Variants in ZNF292 observed in about 807,000 individuals in gnomAD.
ZNF292 encodes the protein 16 zinc-finger domain protein.
A neutral mutation model predicts 217.9 loss-of-function variants in ZNF292; 26 were observed. The observed-to-expected ratio is 0.12, with a 90% CI of 0.09 to 0.17. The LOEUF (loss-of-function observed/expected upper bound fraction) is 0.17. ZNF292 is among the 10% of genes least tolerant of loss of function. The pLI is 1.00. For missense variants in ZNF292, 2,904 were observed against 3,175.2 expected (o/e 0.91, Z 2.05); for synonymous variants, 1,257 against 1,124.1 (o/e 1.12, Z -2.37).
chr6:87,248,237 G>C (rs1050956819), intron 7 of ZNF292, among the ~76,000 whole-genome samples: 50 of 152,114 alleles, frequency 3.3e-4, no homozygotes, highest in African/African-American at 1.0e-3. Context: ...TGAAAGGAAA[G>C]ACCAAAAGAT....
chr6:87,199,996 T>G (rs1474967850), intron 1 of ZNF292, among the ~76,000 whole-genome samples: 1 of 152,222 alleles, frequency 6.6e-6, no homozygotes, highest in Admixed American at 6.5e-5. Context: ...CCTTTCTGGC[T>G]TATCCCCAGC....
intron 5 of ZNF292, among the ~76,000 whole-genome samples, chr6:87,235,336 T>G (rs1773851600): frequency 6.6e-6 from 1 of 152,172 alleles, no homozygotes. Flanking sequence ...GTCCCTGCCC[T>G]TAAGGTTCAT....
chr6:87,185,614 C>T (rs1014704220), intron 1 of ZNF292, among the ~76,000 whole-genome samples: 1 of 152,020 alleles, frequency 6.6e-6, no homozygotes, highest in East Asian at 1.9e-4. Context: ...ACTACAGGTG[C>T]GTGCCATCAC....
intron 1 of ZNF292, among the ~76,000 whole-genome samples, chr6:87,198,790 A>G (rs1772031327): frequency 6.6e-6 from 1 of 152,258 alleles, no homozygotes; most frequent in Non-Finnish European, 1.5e-5. Context: ...TCTCATAAAC[A>G]CAGCAGAATA....
At chr6:87,170,668 T>C (rs757346482) in intron 1 of ZNF292, among the ~76,000 whole-genome samples, 5 of 152,220 alleles carry the variant, frequency 3.3e-5, no homozygotes, top group Non-Finnish European at 4.4e-5. Flanking sequence ...ATGAAAACCA[T>C]CCTTTATAAA....
At chr6:87,185,779 C>G (rs1771628584) in intron 1 of ZNF292, among the ~76,000 whole-genome samples, 1 of 152,092 alleles carries the variant, frequency 6.6e-6, no homozygotes, top group Non-Finnish European at 1.5e-5. Context: ...CTCTATTTTT[C>G]TTACTTTTTA....
At position 87,261,763 on chromosome 6, in the gene ZNF292, A is replaced by G. The variant is rs763149051; in HGVS notation, c.8134A>G (p.Ile2712Val). ...TCCAGATATGTCTGTTATGAAAGAT[A>G]TCAGTATAGGTAAAGCCACAGGCAG... ...NDPDMSVMKD[I>V]SIGKATGRGQ... Residue 2712 changes from isoleucine (I) to valine (V), a missense_variant, in exon 8 of 8, where the codon ATC becomes GTC. Physicochemically the swap from Ile to Val is conservative, Grantham distance 29. Transcript: ENST00000369577. 1.9e-6 allele frequency: 3 copies of G among 1,612,800 alleles called. No individual in the cohort carries two copies. The highest frequency in any genetic ancestry group is 2.2e-5 in the East Asian group (1 of 44,844).
intron 5 of ZNF292, among the ~76,000 whole-genome samples, chr6:87,234,093 A>G (rs1023193240): frequency 6.6e-5 from 10 of 152,216 alleles, no homozygotes; most frequent in African/African-American, 9.6e-5. Flanking sequence ...ACATATTTGT[A>G]TAGTTTATGA....
At position 87,261,887 on chromosome 6, in the gene ZNF292, A is replaced by G. The variant is rs1288549579; in HGVS notation, c.*86A>G. 12 of 1,011,770 alleles carry G rather than the reference A, an allele frequency of 1.2e-5. No homozygotes were observed. The highest frequency in any genetic ancestry group is 1.6e-5 in the Non-Finnish European group (12 of 738,260). 62.7% of individuals were successfully genotyped at this position (1,011,770 alleles called of 1,614,324 possible). A position where few individuals can be genotyped will look rare whatever the true frequency, so the allele number is the denominator to read the frequency against. On this transcript the variant is annotated 3_prime_UTR_variant, in exon 8 of 8. Transcript: ENST00000369577. ...ATGCTAGAATTGTGAAACTTTCATT[A>G]TATTTTTTTGTTGTTGACATGAATT...
intron 4 of ZNF292, among the ~76,000 whole-genome samples, chr6:87,226,811 G>A (rs1327434714): frequency 6.6e-6 from 1 of 151,342 alleles, no homozygotes; most frequent in Admixed American, 6.6e-5. Context: ...CCCGAGTAGC[G>A]GGGACTACAG....
chr6:87,165,422 G>A (rs1770881749), intron 1 of ZNF292, among the ~76,000 whole-genome samples: 1 of 151,932 alleles, frequency 6.6e-6, no homozygotes, highest in Non-Finnish European at 1.5e-5. Flanking sequence ...TTCAGATAAG[G>A]GATACTCACC....
chr6:87,213,031 T>A (rs893703682), intron 1 of ZNF292, among the ~76,000 whole-genome samples: 6 of 152,224 alleles, frequency 3.9e-5, no homozygotes, highest in African/African-American at 1.4e-4. Flanking sequence ...ATAGGAGAAA[T>A]GGCATACAGA....
intron 1 of ZNF292, among the ~76,000 whole-genome samples, chr6:87,214,368 AGGAACTT>A (rs772089293): frequency 2.0e-5 from 3 of 152,146 alleles, no homozygotes; most frequent in Admixed American, 6.5e-5. Flanking sequence ...GATTGAGCTA[AGGAACTT>A]ATCTCTGGTT....
intron 7 of ZNF292, among the ~76,000 whole-genome samples, chr6:87,253,543 T>A (rs569241545): frequency 1.2e-4 from 18 of 152,258 alleles, no homozygotes; most frequent in Admixed American, 2.0e-4. Flanking sequence ...CCTATCATTT[T>A]AAAAATACGT....
At chr6:87,195,300 G>A (rs907540712) in intron 1 of ZNF292, among the ~76,000 whole-genome samples, 26 of 152,270 alleles carry the variant, frequency 1.7e-4, no homozygotes, top group East Asian at 5.8e-4. Context: ...AAGTATATTA[G>A]TAGAACAAGT....
At chr6:87,218,195 A>C (rs959452529) in intron 3 of ZNF292, among the ~76,000 whole-genome samples, 9 of 152,168 alleles carry the variant, frequency 5.9e-5, no homozygotes, top group Admixed American at 2.0e-4. Context: ...AATATGCATA[A>C]GTTGTCACTT....
At chr6:87,227,280 A>C (rs1318704940) in intron 4 of ZNF292, among the ~76,000 whole-genome samples, 1 of 152,178 alleles carries the variant, frequency 6.6e-6, no homozygotes, top group Admixed American at 6.6e-5. Flanking sequence ...TTTTAGATAG[A>C]CCAGTGCCAG....
chr6:87,218,998 G>A (rs1199868827), intron 4 of ZNF292, among the ~76,000 whole-genome samples: 1 of 152,128 alleles, frequency 6.6e-6, no homozygotes, highest in Non-Finnish European at 1.5e-5. Flanking sequence ...ACTTCTGACA[G>A]GTGGCAATCC....
intron 4 of ZNF292, among the ~76,000 whole-genome samples, chr6:87,229,873 C>T (rs554468696): frequency 1.6e-4 from 25 of 152,244 alleles, no homozygotes; most frequent in African/African-American, 5.5e-4. Context: ...ACCAGAAGCA[C>T]CCTGGATTCT....
Sources: allele counts gnomAD v4.1 joint callset (sites outside exome capture counted in the v4.1 genomes callset), GRCh38; gene constraint gnomAD v4.1.1; transcripts MANE v1.5; gene names NCBI Gene and HGNC (gene_info 2026-07-23, HGNC 2026-07-21).